The following SLC4A11 variants were observed in gnomAD, a reference collection of about 807,000 sequenced individuals.
SLC4A11 encodes solute carrier family 4 member 11, also known as bicarbonate transporter related protein 1.
A neutral mutation model predicts 95.0 loss-of-function variants in SLC4A11; 74 were observed. That is an observed-to-expected ratio of 0.78 (90% CI 0.65 to 0.95). The LOEUF (loss-of-function observed/expected upper bound fraction) is 0.95, where lower values mean the gene tolerates loss of function less well. Among genes scored for constraint, SLC4A11 ranks in the 40% least tolerant of loss-of-function variants. The pLI is 0.00. For synonymous variants in SLC4A11, 548 were observed against 519.0 expected, an observed-to-expected ratio of 1.06 and a Z score of -0.76; for missense variants, 1,081 against 1,192.4, an observed-to-expected ratio of 0.91 and a Z score of 1.38.
intron 17 of SLC4A11, 57 bp downstream of exon 17, chr20:3,228,781 G>T: frequency 1.9e-6 from 3 of 1,612,952 alleles, no homozygotes; most frequent in Non-Finnish European, 2.5e-6. Context: ...TATGTCCCAT[G>T]TGGCCAGAGG....
At chr20:3,230,112 C>G in intron 13 of SLC4A11, 75 bp downstream of exon 13, 1 of 1,542,266 alleles carries the variant, frequency 6.5e-7, no homozygotes, top group Non-Finnish European at 9.0e-7. Flanking sequence ...CTATGTGCCC[C>G]CAGCCAGGGG....
At chr20:3,238,084 A>C in intron 1 of SLC4A11, 6 of 1,458,164 alleles carry the variant, frequency 4.1e-6, no homozygotes, top group Admixed American at 2.5e-5. Flanking sequence ...AGTTCCCCCG[A>C]CCCCCGTCAC....
chr20:3,235,825 C>T (rs564489103), intron 2 of SLC4A11, among the ~76,000 whole-genome samples: 10 of 152,084 alleles, frequency 6.6e-5, no homozygotes, highest in Non-Finnish European at 1.5e-4. Context: ...TCAGGCCATC[C>T]GGTCAGCACC....
chr20:3,229,495 G>A, intron 14 of SLC4A11, 29 bp downstream of exon 14: 1 of 1,612,712 alleles, frequency 6.2e-7, no homozygotes, highest in Non-Finnish European at 8.5e-7. Context: ...GACCCATGCG[G>A]CCCCTCCCCT....
At chr20:3,239,062 C>A (rs1258749705) in intron 1 of SLC4A11, 33 bp downstream of exon 1, 5 of 1,471,046 alleles carry the variant, frequency 3.4e-6, no homozygotes, top group South Asian at 1.3e-5. Flanking sequence ...CCCGGGCGGC[C>A]TTCCCGCCGC....
chr20:3,234,311 G>C lies in SLC4A11; in HGVS notation c.295C>G (p.Leu99Val), dbSNP rs758475282. The C allele has an allele frequency of 6.2e-7, 1 of 1,613,364 alleles. No homozygotes were observed. The highest frequency in any genetic ancestry group is 1.7e-5 in the Admixed American group (1 of 60,026). ...CVLLHTSRKY[L>V]KLKNFKEEIR... ...TCTTCCTTGAAGTTCTTTAACTTCA[G>C]GTACTGAGGGGACCCCAGGGACAGA... The change falls in exon 5 of 20, where the codon CTG becomes GTG. Residue 99 changes from leucine to valine, a missense_variant. Coordinates refer to ENST00000642402, the MANE Select transcript of SLC4A11 (RefSeq NM_001174089.2). The surrounding 1 kb of genome is among the most constrained non-coding windows in gnomAD (Gnocchi z 5.8).
At position 3,229,100 on chromosome 20, in the gene SLC4A11, CT is replaced by C; in HGVS notation, c.2012del (p.Glu671GlyfsTer5). ...NLVAALVNAP[E>X]NRLVKGTAYH... ...CCCTCACCCACCCTCCACACCTGTT[CT>C]CCGGTGCATTCACCAAGGCGGCCAC... On this transcript the variant is annotated frameshift_variant, in exon 16 of 20. Coordinates refer to ENST00000642402, the MANE Select transcript of SLC4A11 (RefSeq NM_001174089.2). LOFTEE classifies it high-confidence loss of function. 1 of 1,524,964 alleles carries C rather than the reference CT, an allele frequency of 6.6e-7. No homozygotes were observed. The allele number at this position is 1,524,964 out of a possible 1,614,324, so 94.5% of individuals were successfully genotyped here. A position where few individuals can be genotyped will look rare whatever the true frequency, so the allele number is the denominator to read the frequency against.
At chr20:3,239,203 C>A, upstream of SLC4A11, 1 of 1,349,080 alleles carries the variant, frequency 7.4e-7, no homozygotes, top group Non-Finnish European at 9.5e-7. Context: ...ACCCCAAACT[C>A]GGCGACTCGG....
In SLC4A11 at chr20:3,229,665, G is replaced by T. The variant is rs773533260; in HGVS notation, c.1601C>A (p.Thr534Asn). 3.7e-6 allele frequency: 6 copies of T among 1,613,910 alleles called. No individual in the cohort carries two copies. The highest frequency in any genetic ancestry group is 2.2e-5 in the South Asian group (2 of 91,090). The change falls in exon 14 of 20, where the codon ACT becomes AAT. Residue 534 changes from threonine to asparagine, a missense_variant. This residue lies in a region of SLC4A11 where 767 missense variants were observed against 858.0 expected (regional missense o/e 0.89). Coordinates refer to ENST00000642402, the MANE Select transcript of SLC4A11 (RefSeq NM_001174089.2). The part of the protein sequence containing the change: ...LGASLNASLH[T>N]ALNASFLASP... ...GGCGAGGAAGCTGGCGTTGAGGGCA[G>T]TGTGGAGGCTGGCGTTGAGGCTGGC...
chr20:3,230,961 G>C lies in SLC4A11; in HGVS notation c.1140C>G (p.Leu380=). Residue 380 remains leucine (L), a synonymous_variant, in exon 10 of 20, where the codon CTC becomes CTG. Coordinates refer to ENST00000642402, the MANE Select transcript of SLC4A11 (RefSeq NM_001174089.2). ...TGGCCCCGTCTGTGTTCTCGTCATT[G>C]AGAGACCCGAAAGCGATGGTGGGCA... The part of the protein sequence containing the change: ...CLLPTIAFGS[L]NDENTDGAID... 6.2e-7 allele frequency: 1 copy of C among 1,604,402 alleles called. No individual in the cohort carries two copies. The highest frequency in any genetic ancestry group is 8.5e-7 in the Non-Finnish European group (1 of 1,174,562).
At chr20:3,230,375 G>A in intron 12 of SLC4A11, 115 bp from the exon 13 acceptor site, 1 of 1,574,416 alleles carries the variant, frequency 6.4e-7, no homozygotes, top group Non-Finnish European at 8.7e-7. Flanking sequence ...GAAGGCCAGG[G>A]CCCCAGGCCT....
chr20:3,228,538 G>T lies in SLC4A11; in HGVS notation c.2362C>A (p.Arg788Ser). 1 of 1,613,124 alleles carries T rather than the reference G, an allele frequency of 6.2e-7. No individual in the cohort carries two copies. The highest frequency in any genetic ancestry group is 2.2e-5 in the East Asian group (1 of 44,862). The part of the protein sequence containing the change: ...TSLDGNQLVQ[R>S]VALLLKEQTA... ...TGCTCCTTGAGCAGCAGGGCCACGC[G>T]CTGGACGAGCTGGTTGCCATCGAGG... is the stretch of plus-strand genomic sequence containing the variant. Residue 788 changes from arginine (R) to serine (S), a missense_variant, in exon 18 of 20, where the codon CGC becomes AGC. Transcript: ENST00000642402.
At chr20:3,232,588 C>T (rs907940441) in intron 7 of SLC4A11, among the ~76,000 whole-genome samples, 3 of 152,192 alleles carry the variant, frequency 2.0e-5, no homozygotes, top group African/African-American at 7.2e-5. Flanking sequence ...TGGCGGGTGC[C>T]TGTAGTCACA....
upstream of SLC4A11, chr20:3,239,218 G>A (rs1005368072): frequency 5.3e-6 from 7 of 1,320,062 alleles, no homozygotes; most frequent in African/African-American, 6.2e-5. Flanking sequence ...ACTCGGGCGG[G>A]CCGGCGGCGG....
Position 3,231,507 on chromosome 20 carries a change from G to C in SLC4A11, c.771C>G (p.Ala257=). ...GGAAGGCGATATCCGAGAACATGGT[G>C]GCAAACGTGCGCGCCACCTCCATCG... The part of the protein sequence containing the change: ...KTAMEVARTF[A]TMFSDIAFRQ... Residue 257 remains alanine (A), a synonymous_variant, in exon 8 of 20, where the codon GCC becomes GCG. Coordinates refer to ENST00000642402, the MANE Select transcript of SLC4A11 (RefSeq NM_001174089.2). The surrounding 1 kb of genome is among the most constrained non-coding windows in gnomAD (Gnocchi z 5.2). The C allele has an allele frequency of 6.2e-7, 1 of 1,614,016 alleles. No homozygotes were observed. Among genetic ancestry groups the C allele is most frequent in the South Asian group, 1.1e-5 (1 of 91,084 alleles).
At chr20:3,236,612 C>T (rs1197656704) in intron 2 of SLC4A11, among the ~76,000 whole-genome samples, 1 of 119,540 alleles carries the variant, frequency 8.4e-6, no homozygotes, top group South Asian at 2.6e-4. Flanking sequence ...CAAAACAAAA[C>T]AAAAGACGTC....
chr20:3,230,438 A>G (rs1253585948), intron 12 of SLC4A11, 77 bp downstream of exon 12: 19 of 1,608,538 alleles, frequency 1.2e-5, no homozygotes, highest in Non-Finnish European at 1.5e-5. Flanking sequence ...GGGCACCCCC[A>G]CCACCCTGGG....
intron 1 of SLC4A11, chr20:3,238,209 G>A (rs1267529588): frequency 6.3e-6 from 9 of 1,417,880 alleles, no homozygotes; most frequent in Admixed American, 3.0e-5. Context: ...GGGGGTGGGA[G>A]GAGTATCTGA....
intron 10 of SLC4A11, 22 bp from the exon 11 acceptor site, chr20:3,230,867 G>A (rs2067741122): frequency 3.1e-6 from 5 of 1,612,724 alleles, no homozygotes; most frequent in Admixed American, 1.7e-5. Context: ...CGGAGGTCAG[G>A]TGGGCGCCGC....
Sources: gnomAD v4.1 joint callset for allele counts (sites outside exome capture counted in the v4.1 genomes callset) on GRCh38, gnomAD v4.1.1 for gene constraint, gnomAD v4.1.1 regional missense constraint, Gnocchi (gnomAD v3.1) non-coding constraint, MANE v1.5 for transcripts, NCBI Gene and HGNC (gene_info 2026-07-23, HGNC 2026-07-21) for gene names.